The following EMC7 variants were observed in gnomAD, a reference collection of about 807,000 sequenced individuals.
EMC7 encodes the protein endoplasmic reticulum membrane protein complex subunit 7.
EMC7 carries 4 observed loss-of-function variants against 24.4 expected under a neutral mutation model. That is an observed-to-expected ratio of 0.16 (90% CI 0.08 to 0.38). The LOEUF (loss-of-function observed/expected upper bound fraction) is 0.38. EMC7 is among the 10% of genes least tolerant of loss of function. The pLI, the probability that EMC7 is intolerant of heterozygous loss-of-function variation, is 1.00. For missense variants in EMC7, 221 were observed against 300.6 expected (o/e 0.74, Z 1.96); for synonymous variants, 106 against 112.0 (o/e 0.95, Z 0.34).
At chr15:34,091,505 TG>T (rs1900973211) in intron 2 of EMC7, among the ~76,000 whole-genome samples, 1 of 152,228 alleles carries the variant, frequency 6.6e-6, no homozygotes, top group African/African-American at 2.4e-5. Flanking sequence ...TTGCTTAGCT[TG>T]GAAGTTCCTG....
Position 34,090,372 on chromosome 15 carries a change from G to C in EMC7, c.440C>G (p.Ser147Cys). 1 of 1,614,028 alleles carries C rather than the reference G, an allele frequency of 6.2e-7. No individual in the cohort carries two copies. The highest frequency in any genetic ancestry group is 8.5e-7 in the Non-Finnish European group (1 of 1,179,968). ...CCACGATTCCCTTTTAATAAAGTAA[G>C]AAGGTGGACCTGAAGATTTCATTTG... is the stretch of plus-strand genomic sequence containing the variant. ...PLQMKSSGPPSYFIKRESWGW... is the reference protein window; with the variant it reads ...PLQMKSSGPPCYFIKRESWGW... The change falls in exon 3 of 5, where the codon TCT (serine) becomes TGT (cysteine). Residue 147 changes from serine (S) to cysteine (C), a missense_variant. By Grantham distance (112) the Ser-to-Cys change is moderately radical. Around this residue, in one of 2 missense-constraint regions of EMC7, gnomAD observed 65 missense variants for 123.4 expected, o/e 0.53. Transcript: ENST00000256545.
Position 34,099,892 on chromosome 15 carries a change from G to A in EMC7, c.236+1712C>T, listed in dbSNP as rs117618858. On this transcript the variant is annotated intron_variant, in intron 1 of 4. Transcript: ENST00000256545. ...AGTAAGATTACAGGTATGAGCCACC[G>A]CGCCTGGAAATTCTCCATCAACCTT... is the stretch of plus-strand genomic sequence containing the variant. Among the ~76,000 whole-genome samples, 50 of 152,204 alleles carry A rather than the reference G, an allele frequency of 3.3e-4. 1 individual carries two copies. The East Asian group carries it at 7.9e-3, about 24-fold the overall frequency.
intron 2 of EMC7, among the ~76,000 whole-genome samples, chr15:34,091,849 G>A (rs941328466): frequency 6.6e-6 from 1 of 152,204 alleles, no homozygotes; most frequent in Non-Finnish European, 1.5e-5. Context: ...GGGGAGCTAT[G>A]CATTTATTAA....
At chr15:34,090,277 T>G (rs759237658) in intron 3 of EMC7, 40 bp downstream of exon 3, 28 of 1,575,176 alleles carry the variant, frequency 1.8e-5, no homozygotes, top group Non-Finnish European at 2.3e-5. Context: ...AGAAGCAAAT[T>G]AGGTATTAGT....
intron 4 of EMC7, chr15:34,085,879 AAC>A (rs1441520076): frequency 1.4e-5 from 2 of 141,054 alleles, no homozygotes; most frequent in African/African-American, 5.5e-5. Flanking sequence ...GTTTTATTTA[AAC>A]ACAAATAAAA....
Position 34,090,350 on chromosome 15 carries a change from C to T in EMC7, c.462G>A (p.Ser154=), listed in dbSNP as rs758668112. ...GPPSYFIKRE[S]WGWTDFLMNP... is the part of the protein sequence containing the mutation. Reference sequence around the variant, plus strand: ...TCATTAGAAAGTCTGTCCAGCCCCACGATTCCCTTTTAATAAAGTAAGAAG... The same window carrying T: ...TCATTAGAAAGTCTGTCCAGCCCCATGATTCCCTTTTAATAAAGTAAGAAG... The change falls in exon 3 of 5, where the codon TCG becomes TCA. Residue 154 remains serine (S), a synonymous_variant. Transcript: ENST00000256545. 1.6e-5 allele frequency: 26 copies of T among 1,613,808 alleles called. No individual in the cohort carries two copies. In the African/African-American group the frequency reaches 2.1e-4, roughly 13 times the overall value.
chr15:34,099,913 A>G (rs1419830641), intron 1 of EMC7, among the ~76,000 whole-genome samples: 4 of 152,160 alleles, frequency 2.6e-5, no homozygotes, highest in Non-Finnish European at 4.4e-5. Flanking sequence ...TTCTCCATCA[A>G]CCTTTCTACA....
chr15:34,093,823 A>ATATATATATATATTT (rs1190830993), intron 2 of EMC7, among the ~76,000 whole-genome samples: 2 of 48,706 alleles, frequency 4.1e-5, no homozygotes, highest in Non-Finnish European at 6.6e-5. Context: ...ATATATATAT[A>ATATATATATATATTT]TTTTTTTTTT....
chr15:34,088,579 G>C (rs1900927814), intron 3 of EMC7, among the ~76,000 whole-genome samples: 2 of 150,842 alleles, frequency 1.3e-5, no homozygotes, highest in Non-Finnish European at 2.9e-5. Flanking sequence ...TACTTTAGCA[G>C]ACCAGTTTTG....
intron 3 of EMC7, among the ~76,000 whole-genome samples, chr15:34,089,476 C>T (rs948860704): frequency 2.0e-5 from 3 of 152,240 alleles, no homozygotes; most frequent in Non-Finnish European, 2.9e-5. Context: ...TTAAAGAATG[C>T]ATGCTATTAG....
chr15:34,096,219 G>A (rs759635253), intron 1 of EMC7, among the ~76,000 whole-genome samples: 21 of 152,226 alleles, frequency 1.4e-4, no homozygotes, highest in Non-Finnish European at 2.8e-4. Flanking sequence ...CGCTCAGGGT[G>A]GAGTGCAATG....
chr15:34,095,215 CAT>C (rs1420673278), intron 2 of EMC7, among the ~76,000 whole-genome samples: 13 of 152,190 alleles, frequency 8.5e-5, no homozygotes, highest in Non-Finnish European at 1.3e-4. Flanking sequence ...GGAGTTGCTT[CAT>C]ATATTTCCTG....
chr15:34,096,692 T>C (rs1194472465), intron 1 of EMC7, among the ~76,000 whole-genome samples: 1 of 152,058 alleles, frequency 6.6e-6, no homozygotes, highest in Non-Finnish European at 1.5e-5. Flanking sequence ...AACTTCTTAC[T>C]GTTAAAAATG....
At chr15:34,099,585 C>G (rs1045507688) in intron 1 of EMC7, among the ~76,000 whole-genome samples, 1 of 152,160 alleles carries the variant, frequency 6.6e-6, no homozygotes, top group Non-Finnish European at 1.5e-5. Context: ...CCATAAACTC[C>G]TCATATTAAT....
chr15:34,084,622 C>CAGT, intron 4 of EMC7, 136 bp from the exon 5 acceptor site: 1 of 828,978 alleles, frequency 1.2e-6, no homozygotes, highest in East Asian at 2.6e-5. Context: ...ACATCATACT[C>CAGT]AGTAGTACTT....
In EMC7 at chr15:34,084,278, T is replaced by G; in HGVS notation, c.*56A>C. ...GTTGCTTCACACGGTTTTCCAAGACTTGGATGCCACCCAGTGTTGCCGTGT... is the reference window on the plus strand; with the variant it reads ...GTTGCTTCACACGGTTTTCCAAGACGTGGATGCCACCCAGTGTTGCCGTGT... On this transcript the variant is annotated 3_prime_UTR_variant, in exon 5 of 5. Transcript: ENST00000256545. The G allele has an allele frequency of 6.4e-7, 1 of 1,566,668 alleles. No homozygotes were observed. Among genetic ancestry groups the G allele is most frequent in the Non-Finnish European group, 8.7e-7 (1 of 1,151,942 alleles).
intron 2 of EMC7, among the ~76,000 whole-genome samples, chr15:34,093,782 T>TACACACACACACACACACACACACAC (rs143551689): frequency 4.3e-5 from 1 of 23,394 alleles, no homozygotes; most frequent in Non-Finnish European, 9.2e-5. Flanking sequence ...CATATATGTA[T>TACACACACACACACACACACACACAC]ACACACACAC....
In EMC7 at chr15:34,088,109, A is replaced by G; in HGVS notation, c.520T>C (p.Leu174=). 2 of 1,613,466 alleles carry G rather than the reference A, an allele frequency of 1.2e-6. No individual in the cohort carries two copies. The highest frequency in any genetic ancestry group is 1.7e-6 in the Non-Finnish European group (2 of 1,179,836). Residue 174 remains leucine, a synonymous_variant, in exon 4 of 5, where the codon TTG becomes CTG. Coordinates refer to ENST00000256545, the MANE Select transcript of EMC7 (RefSeq NM_020154.3). ...PMVMMMVLPL[L]IFVLLPKVVN... The stretch of plus-strand genomic sequence containing the variant: ...ACTTTAGGCAGAAGCACAAATATCA[A>G]TAAAGGAAGAACCATCATCATAACC...
intron 2 of EMC7, among the ~76,000 whole-genome samples, chr15:34,093,806 C>CACACACACACATATATATATATATAT (rs61440619): frequency 1.7e-4 from 5 of 30,246 alleles, no homozygotes; most frequent in Non-Finnish European, 3.1e-4. Flanking sequence ...CACACACACA[C>CACACACACACATATATATATATATAT]ATATATATAT....
Sources: gnomAD v4.1 joint callset for allele counts (sites outside exome capture counted in the v4.1 genomes callset) on GRCh38, gnomAD v4.1.1 for gene constraint, gnomAD v4.1.1 regional missense constraint, MANE v1.5 for transcripts, NCBI Gene and HGNC (gene_info 2026-07-23, HGNC 2026-07-21) for gene names.